The following CACNA1E variants were observed in gnomAD, a reference collection of about 807,000 sequenced individuals.
The protein encoded by CACNA1E is voltage-dependent R-type calcium channel subunit alpha-1E.
Under a neutral mutation model 259.2 loss-of-function variants are expected in CACNA1E, and 40 were observed. That is an observed-to-expected ratio of 0.15 (90% CI 0.12 to 0.20). The LOEUF (loss-of-function observed/expected upper bound fraction) is 0.20, where lower values mean the gene tolerates loss of function less well. CACNA1E is among the 10% of genes least tolerant of loss of function. CACNA1E has a pLI of 1.00. For missense variants in CACNA1E, 1,874 were observed against 3,040.1 expected, an observed-to-expected ratio of 0.62 and a Z score of 9.02; for synonymous variants, 1,104 against 1,138.5, an observed-to-expected ratio of 0.97 and a Z score of 0.61.
Position 181,415,714 on chromosome 1 carries a change from G to A in CACNA1E, c.434+2134G>A, listed in dbSNP as rs373114247. On this transcript the variant is annotated intron_variant, in intron 2 of 11. Coordinates refer to the CACNA1E transcript ENST00000524607. ...GTCAGTAGCCCAGTTGGAGTGGGTT[G>A]AAAAGAAAATGGGAAGTGATAGAGA... is the stretch of plus-strand genomic sequence containing the variant. Among the ~76,000 whole-genome samples, 64 of 152,120 alleles carry A rather than the reference G, an allele frequency of 4.2e-4. 1 individual carries two copies. Among genetic ancestry groups the A allele is most frequent in the African/African-American group, 1.3e-3 (52 of 41,440 alleles).
intron 1 of CACNA1E, among the ~76,000 whole-genome samples, chr1:181,353,773 A>G (rs1318403015): frequency 6.6e-6 from 1 of 152,196 alleles, no homozygotes; most frequent in East Asian, 1.9e-4. Flanking sequence ...GGGAACATAG[A>G]TAGATTCTAC....
At chr1:181,541,242 A>T (rs1475809526) in intron 3 of CACNA1E, among the ~76,000 whole-genome samples, 1 of 152,238 alleles carries the variant, frequency 6.6e-6, no homozygotes, top group African/African-American at 2.4e-5. Flanking sequence ...AAAAAATCTT[A>T]AGATTTAACA....
chr1:181,559,135 T>G (rs1460530314), intron 3 of CACNA1E, among the ~76,000 whole-genome samples: 2 of 152,196 alleles, frequency 1.3e-5, no homozygotes, highest in East Asian at 3.8e-4. Context: ...GCCTGAATCT[T>G]GCAGGGCCTG....
At chr1:181,334,836 A>G (rs953260110) in intron 1 of CACNA1E, among the ~76,000 whole-genome samples, 2 of 152,170 alleles carry the variant, frequency 1.3e-5, no homozygotes, top group Non-Finnish European at 2.9e-5. Flanking sequence ...GCCTGAAACC[A>G]TCCAGTGTCT....
chr1:181,446,823 C>A (rs952186290), intron 2 of CACNA1E, among the ~76,000 whole-genome samples: 2 of 152,054 alleles, frequency 1.3e-5, no homozygotes, highest in Non-Finnish European at 2.9e-5. Context: ...GCTGTGGCAC[C>A]TACTAGATCA....
chr1:181,690,125 T>G (rs1274622515), intron 7 of CACNA1E, among the ~76,000 whole-genome samples: 8 of 152,226 alleles, frequency 5.3e-5, no homozygotes, highest in South Asian at 2.1e-4. Flanking sequence ...CGTTTAAGTC[T>G]TTCATCCATC....
Position 181,790,551 on chromosome 1 carries a change from T to G in CACNA1E, c.5893T>G (p.Ser1965Ala), listed in dbSNP as rs1279399668. The change falls in exon 44 of 48, where the codon TCT becomes GCT. Residue 1965 changes from serine (S) to alanine (A), a missense_variant. Ser to Ala is a moderately conservative substitution (Grantham distance 99). This residue lies in a region of CACNA1E where 542 missense variants were observed against 587.2 expected (regional missense o/e 0.92). Transcript: ENST00000367573. The part of the protein sequence containing the change: ...ADDGQFQERQ[S>A]LEPEVSELKS... ...TGACGGACAGTTCCAAGAACGGCAG[T>G]CTCTGGTGAATGCATGAGTTATATG... 1 of 1,588,692 alleles carries G rather than the reference T, an allele frequency of 6.3e-7. No individual in the cohort carries two copies. Among genetic ancestry groups the G allele is most frequent in the Admixed American group, 1.7e-5 (1 of 59,968 alleles).
chr1:181,617,231 A>C (rs1164494798), intron 6 of CACNA1E, among the ~76,000 whole-genome samples: 2 of 150,212 alleles, frequency 1.3e-5, no homozygotes, highest in Non-Finnish European at 3.0e-5. Flanking sequence ...GTTCTGTTTC[A>C]AACTTTTCCA....
At chr1:181,318,600 G>C (rs1357024758) in intron 1 of CACNA1E, among the ~76,000 whole-genome samples, 1 of 152,218 alleles carries the variant, frequency 6.6e-6, no homozygotes, top group Non-Finnish European at 1.5e-5. Context: ...ATGCCTCCGG[G>C]CGCGGGCGGC....
intron 3 of CACNA1E, among the ~76,000 whole-genome samples, chr1:181,514,314 T>A (rs12076825): frequency 0.22 from 33,351 of 152,134 alleles, 5,346 homozygotes; most frequent in African/African-American, 0.45. Flanking sequence ...CTTACAATTG[T>A]TGGGGTTGTA....
At chr1:181,715,678 G>A (rs1401075114) in intron 9 of CACNA1E, among the ~76,000 whole-genome samples, 1 of 152,170 alleles carries the variant, frequency 6.6e-6, no homozygotes, top group African/African-American at 2.4e-5. Context: ...GCTATCTAAA[G>A]GGACCTTCTC....
At chr1:181,559,910 G>C (rs373640953) in intron 3 of CACNA1E, among the ~76,000 whole-genome samples, 1 of 152,298 alleles carries the variant, frequency 6.6e-6, no homozygotes, top group South Asian at 2.1e-4. Flanking sequence ...GCAGAGCATC[G>C]ACATTCTTCT....
chr1:181,457,859 T>C (rs200084340), intron 2 of CACNA1E, among the ~76,000 whole-genome samples: 1 of 152,164 alleles, frequency 6.6e-6, no homozygotes, highest in Non-Finnish European at 1.5e-5. Flanking sequence ...CCTTGGTACA[T>C]TCCCACTATG....
intron 1 of CACNA1E, among the ~76,000 whole-genome samples, chr1:181,390,336 T>TG: frequency 2.0e-5 from 3 of 150,482 alleles, no homozygotes; most frequent in Admixed American, 6.6e-5. Context: ...TTTATTTGTT[T>TG]TTTATGAGAA....
intron 2 of CACNA1E, among the ~76,000 whole-genome samples, chr1:181,426,238 T>C (rs12066530): frequency 0.4 from 60,337 of 150,744 alleles, 12,336 homozygotes; most frequent in African/African-American, 0.46. Flanking sequence ...CAACCCTTCC[T>C]CAACCCAACC....
chr1:181,796,572 C>G (rs1375646832), intron 46 of CACNA1E, 96 bp from the exon 47 acceptor site: 1 of 930,550 alleles, frequency 1.1e-6, no homozygotes, highest in East Asian at 2.7e-5. Flanking sequence ...AGGGCCCAAC[C>G]CCAGGCTGTG....
chr1:181,554,517 A>C (rs541038198), intron 3 of CACNA1E, among the ~76,000 whole-genome samples: 10 of 152,294 alleles, frequency 6.6e-5, no homozygotes, highest in African/African-American at 2.2e-4. Flanking sequence ...AAGAAACAAG[A>C]TTAGCTTGGA....
intron 2 of CACNA1E, among the ~76,000 whole-genome samples, chr1:181,416,137 T>C (rs1351781037): frequency 6.6e-6 from 1 of 152,226 alleles, no homozygotes; most frequent in Non-Finnish European, 1.5e-5. Context: ...AGTTATCTCT[T>C]CATGCTACCT....
At position 181,626,614 on chromosome 1, in the gene CACNA1E, C is replaced by T. The variant is rs74528977; in HGVS notation, c.952-24724C>T. ...AAGATTCTGAGACCATGTCCAAACC[C>T]ATCTATGAAAAGTACCTGGAATTGT... On this transcript the variant is annotated intron_variant, in intron 6 of 47. Transcript: ENST00000367573. Among the ~76,000 whole-genome samples the T allele has an allele frequency of 2.6e-3, 392 of 152,220 alleles. 4 individuals carry two copies. The highest frequency in any genetic ancestry group is 3.5e-3 in the East Asian group (18 of 5,186).
Sources: gnomAD v4.1 joint callset for allele counts (sites outside exome capture counted in the v4.1 genomes callset) on GRCh38, gnomAD v4.1.1 for gene constraint, gnomAD v4.1.1 regional missense constraint, MANE v1.5 for transcripts, NCBI Gene and HGNC (gene_info 2026-07-23, HGNC 2026-07-21) for gene names.